Variants in CUX1 observed in about 807,000 individuals in gnomAD.
CUX1 encodes protein CASP.
CUX1 carries 31 observed loss-of-function variants against 158.8 expected under a neutral mutation model. The ratio of observed to expected loss-of-function variants is 0.20; its 90% confidence interval spans 0.15 to 0.26. The LOEUF (loss-of-function observed/expected upper bound fraction) is 0.26, where lower values mean the gene tolerates loss of function less well. CUX1 is among the 10% of genes least tolerant of loss of function. CUX1 has a pLI of 1.00. For missense variants in CUX1, 1,589 were observed against 2,014.6 expected (o/e 0.79, Z 4.04); for synonymous variants, 879 against 862.1 (o/e 1.02, Z -0.34).
At chr7:102,123,314 A>T (rs910395361) in intron 8 of CUX1, among the ~76,000 whole-genome samples, 1 of 152,042 alleles carries the variant, frequency 6.6e-6, no homozygotes, top group Non-Finnish European at 1.5e-5. Flanking sequence ...ATCAGTTTTT[A>T]AAAAATTTTT....
chr7:102,234,081 G>A lies in CUX1; in HGVS notation c.3463G>A (p.Gly1155Arg). The change falls in exon 22 of 24, where the codon GGG (glycine) becomes AGG (arginine). Residue 1155 changes from glycine to arginine, a missense_variant. Coordinates refer to ENST00000292535, the MANE Select transcript of CUX1 (RefSeq NM_181552.4). ...GQRLFGETIL[G>R]LTQGSVSDLL... ...GCGCTTATTTGGGGAGACCATCTTA[G>A]GGCTCACCCAAGGCTCTGTCTCTGA... 6.4e-7 allele frequency: 1 copy of A among 1,570,948 alleles called. No homozygotes were observed. The highest frequency in any genetic ancestry group is 8.6e-7 in the Non-Finnish European group (1 of 1,161,662).
chr7:102,121,897 A>AG (rs1554493606), intron 8 of CUX1, among the ~76,000 whole-genome samples: 1 of 152,124 alleles, frequency 6.6e-6, no homozygotes, highest in Non-Finnish European at 1.5e-5. Context: ...AGCAAAGGTG[A>AG]GGGCTAGTCA....
chr7:102,281,461 G>A (rs1322669483), intron 20 of CUX1, among the ~76,000 whole-genome samples: 4 of 152,030 alleles, frequency 2.6e-5, no homozygotes, highest in Admixed American at 6.6e-5. Flanking sequence ...TCTGGAGTTC[G>A]AGACCAGCCT....
At position 102,178,195 on chromosome 7, in the gene CUX1, C is replaced by T. The variant is rs782270675; in HGVS notation, c.829-274C>T. Among the ~76,000 whole-genome samples, 7 of 152,214 alleles carry T rather than the reference C, an allele frequency of 4.6e-5. 1 individual carries two copies. Among genetic ancestry groups the T allele is most frequent in the Admixed American group, 3.3e-4 (5 of 15,280 alleles). On this transcript the variant is annotated intron_variant, in intron 10 of 23. Transcript: ENST00000292535. ...GGGATTACAGGCGTGAGCCATTGCA[C>T]CCAGCCTGGACTTTCTTTGATTCAC...
At chr7:102,128,672 G>A (rs1316653555) in intron 8 of CUX1, among the ~76,000 whole-genome samples, 6 of 151,744 alleles carry the variant, frequency 4.0e-5, no homozygotes, top group Non-Finnish European at 8.8e-5. Context: ...TCCTTACTCA[G>A]ACCTTAGTAT....
chr7:102,202,074 C>T lies in CUX1; in HGVS notation c.2777C>T (p.Ser926Leu), dbSNP rs141696858. The T allele has an allele frequency of 9.2e-5, 149 of 1,614,144 alleles. No homozygotes were observed. The highest frequency in any genetic ancestry group is 2.1e-4 in the African/African-American group (16 of 75,036). ...CCCATGTCCAAGCCCACCAAGCCCT[C>T]GGTCCCCCCGCTGACCCCCGAGCAG... Reference protein sequence around the residue: ...IVPMSKPTKPSVPPLTPEQYE... With the variant: ...IVPMSKPTKPLVPPLTPEQYE... The change falls in exon 18 of 24, where the codon TCG (serine) becomes TTG (leucine). Residue 926 changes from serine to leucine, a missense_variant. This residue lies in a region of CUX1 where 337 missense variants were observed against 409.3 expected (regional missense o/e 0.82). Coordinates refer to ENST00000292535, the MANE Select transcript of CUX1 (RefSeq NM_181552.4).
At chr7:101,849,962 A>G (rs188736768) in intron 1 of CUX1, among the ~76,000 whole-genome samples, 31 of 125,416 alleles carry the variant, frequency 2.5e-4, no homozygotes, top group African/African-American at 9.8e-4. Context: ...TCTGTCGCCC[A>G]GGCTGGAGTG....
chr7:101,902,490 T>A (rs1235961167), intron 1 of CUX1, among the ~76,000 whole-genome samples: 2 of 152,200 alleles, frequency 1.3e-5, no homozygotes, highest in African/African-American at 4.8e-5. Context: ...AATTTTAAAT[T>A]TAACTTAGAT....
intron 9 of CUX1, among the ~76,000 whole-genome samples, chr7:102,167,421 G>T (rs1791173410): frequency 6.6e-6 from 1 of 152,148 alleles, no homozygotes; most frequent in African/African-American, 2.4e-5. Context: ...GACCATGTAG[G>T]CTCCCGGGGA....
intron 21 of CUX1, among the ~76,000 whole-genome samples, chr7:102,282,296 C>T (rs1792135262): frequency 1.3e-5 from 2 of 152,166 alleles, no homozygotes; most frequent in Non-Finnish European, 2.9e-5. Flanking sequence ...CTAACCTCCC[C>T]AGCTGTGGAG....
Position 102,115,255 on chromosome 7 carries a change from A to T in CUX1, c.656A>T (p.Asp219Val), listed in dbSNP as rs1199931846. ...TELFDLKTKY[D>V]EETTAKADEI... The stretch of plus-strand genomic sequence containing the variant: ...TTATTTGACCTGAAAACCAAATACG[A>T]TGAAGAAACTACTGCAAAGTAAGTC... Residue 219 changes from aspartate (D) to valine (V), a missense_variant, in exon 8 of 24, where the codon GAT becomes GTT. Physicochemically the swap from Asp to Val is radical, Grantham distance 152. Transcript: ENST00000292535. 6.2e-7 allele frequency: 1 copy of T among 1,610,502 alleles called. No homozygotes were observed. The highest frequency in any genetic ancestry group is 8.5e-7 in the Non-Finnish European group (1 of 1,179,310).
intron 2 of CUX1, among the ~76,000 whole-genome samples, chr7:102,017,476 G>A (rs937184105): frequency 3.1e-5 from 4 of 127,250 alleles, no homozygotes; most frequent in Admixed American, 7.6e-5. Flanking sequence ...TTCTCGCTAA[G>A]CTCCCTGAGG....
chr7:102,282,736 G>C lies in CUX1; in HGVS notation c.1927G>C (p.Glu643Gln), dbSNP rs142155041. The C allele has an allele frequency of 6.2e-7, 1 of 1,613,502 alleles. No homozygotes were observed. The highest frequency in any genetic ancestry group is 1.3e-5 in the African/African-American group (1 of 74,842). ...GGTGCTCTACAAGCTGGCATGGAGC[G>C]AGAGCATGGAGAGGGACTGTGCCAC... is the stretch of plus-strand genomic sequence containing the variant. Residue 643 changes from glutamate to glutamine, a missense_variant, in exon 22 of 23, where the codon GAG becomes CAG. Glu to Gln is a conservative substitution (Grantham distance 29). Transcript: ENST00000292538.
chr7:102,134,784 T>C (rs2131341711), intron 8 of CUX1, among the ~76,000 whole-genome samples: 1 of 151,914 alleles, frequency 6.6e-6, no homozygotes, highest in Admixed American at 6.6e-5. Context: ...TTTTTAGAGA[T>C]GGGGTCTCAC....
At chr7:101,961,472 GC>G (rs2129176086) in intron 2 of CUX1, 1 of 152,290 alleles carries the variant, frequency 6.6e-6, no homozygotes, top group Admixed American at 6.5e-5. Context: ...GAGTTGCAGG[GC>G]ATGTGATTAT....
Position 102,243,632 on chromosome 7 carries a change from AAATAATAATAATAAT to A in CUX1, c.3887+4081_3887+4095del, listed in dbSNP as rs3077412. Among the ~76,000 whole-genome samples, 110 of 130,812 alleles carry A rather than the reference AAATAATAATAATAAT, an allele frequency of 8.4e-4. 1 individual carries two copies. The highest frequency in any genetic ancestry group is 3.0e-3 in the Admixed American group (37 of 12,432). The allele number at this position is 130,812 out of a possible 152,430, so 85.8% of individuals were successfully genotyped here. On this transcript the variant is annotated intron_variant, in intron 23 of 23. Coordinates refer to ENST00000292535, the MANE Select transcript of CUX1 (RefSeq NM_181552.4). Reference sequence around the variant, plus strand: ...CTCAGTGAGACCCTGTCTCTACAGAAAATAATAATAATAATAATAATAATAATAATAATAATAATA... The same window carrying A: ...CTCAGTGAGACCCTGTCTCTACAGAAAATAATAATAATAATAATAATAATA...
intron 14 of CUX1, 82 bp from the exon 15 acceptor site, chr7:102,196,552 G>A (rs1794814655): frequency 2.3e-6 from 3 of 1,315,918 alleles, no homozygotes; most frequent in Non-Finnish European, 3.0e-6. Context: ...TTTTGCGGGG[G>A]CAAACTTTTG....
Position 102,189,063 on chromosome 7 carries a change from C to T in CUX1, c.1018-750C>T, listed in dbSNP as rs140784668. 1.2e-3 allele frequency among the ~76,000 whole-genome samples: 176 copies of T among 152,220 alleles called. 1 individual carries two copies. The highest frequency in any genetic ancestry group is 4.1e-3 in the African/African-American group (170 of 41,534). On this transcript the variant is annotated intron_variant, in intron 11 of 23. Transcript: ENST00000292535. Reference sequence around the variant, plus strand: ...ACTGAACAGGTCCCTGCTCCTAAAACCCCAGCATCCAGGGGTTCAGGAGTG... The same window carrying T: ...ACTGAACAGGTCCCTGCTCCTAAAATCCCAGCATCCAGGGGTTCAGGAGTG...
rs571644354 is a variant in CUX1 at position 102,243,959 on chromosome 7, G to A, written c.3887+4375G>A. On this transcript the variant is annotated intron_variant, in intron 23 of 23. Coordinates refer to ENST00000292535, the MANE Select transcript of CUX1 (RefSeq NM_181552.4). ...GGAGAATCTCTTGAACTCCGGAGGC[G>A]GAGGTTGCAGTGAGCCGAGATCACG... 2.2e-3 allele frequency among the ~76,000 whole-genome samples: 330 copies of A among 152,034 alleles called. 3 individuals carry two copies. Among genetic ancestry groups the A allele is most frequent in the Non-Finnish European group, 2.1e-3 (141 of 67,984 alleles).
Sources: gnomAD v4.1 joint callset for allele counts (sites outside exome capture counted in the v4.1 genomes callset) on GRCh38, gnomAD v4.1.1 for gene constraint, gnomAD v4.1.1 regional missense constraint, MANE v1.5 for transcripts, NCBI Gene and HGNC (gene_info 2026-07-23, HGNC 2026-07-21) for gene names.